Variants in CDC45 observed in about 807,000 individuals in gnomAD.
CDC45 encodes the protein cell division cycle 45.
In CDC45, 54 loss-of-function variants were observed where a neutral mutation model predicts 77.8. The ratio of observed to expected loss-of-function variants is 0.69; its 90% CI spans 0.56 to 0.87. The LOEUF (loss-of-function observed/expected upper bound fraction) is 0.87, where lower values mean the gene tolerates loss of function less well. Ranked by LOEUF, CDC45 falls within the 40% of genes least tolerant of loss-of-function variation. The pLI, the probability that CDC45 is intolerant of heterozygous loss-of-function variation, is 0.00. For missense variants in CDC45, 649 were observed against 721.6 expected (o/e 0.90, Z 1.15); for synonymous variants, 260 against 272.1 (o/e 0.96, Z 0.44).
chr22:19,495,638 T>A (rs539079360), intron 6 of CDC45, among the ~76,000 whole-genome samples: 75 of 152,328 alleles, frequency 4.9e-4, no homozygotes, highest in Middle Eastern at 3.4e-3. Flanking sequence ...GACAACATAG[T>A]GAGACTTTGT....
In CDC45 at chr22:19,505,349, CTTTT is replaced by C. The variant is rs775146397; in HGVS notation, c.705-8_705-5del. The C allele has an allele frequency of 6.2e-7, 1 of 1,613,680 alleles. No homozygotes were observed. The highest frequency in any genetic ancestry group is 8.5e-7 in the Non-Finnish European group (1 of 1,179,856). ...AGGGAACCAGCCGAGGCTTGTGCTACTTTTTTTTCCAGAATGAAATACGTGACTG... is the reference window on the plus strand; with the variant it reads ...AGGGAACCAGCCGAGGCTTGTGCTACTTTTCCAGAATGAAATACGTGACTG... On this transcript the variant is annotated splice_polypyrimidine_tract_variant and intron_variant, in intron 9 of 18. Transcript: ENST00000263201.
In CDC45 at chr22:19,508,657, G is replaced by A; in HGVS notation, c.1183G>A (p.Asp395Asn). Residue 395 changes from aspartate to asparagine, a missense_variant, in exon 13 of 19, where the codon GAT (aspartate) becomes AAT (asparagine). By Grantham distance (23) the Asp-to-Asn change is conservative. Transcript: ENST00000263201. The stretch of plus-strand genomic sequence containing the variant: ...CCCCGAGAAGGATGGCTCAGGGACA[G>A]ATCACTTCATCCAGGCTCTGGACAG... ...ESPEKDGSGTDHFIQALDSLS... is the reference protein window; with the variant it reads ...ESPEKDGSGTNHFIQALDSLS... 2 of 1,614,246 alleles carry A rather than the reference G, an allele frequency of 1.2e-6. No individual in the cohort carries two copies. The highest frequency in any genetic ancestry group is 1.7e-4 in the Middle Eastern group (1 of 6,060).
At position 19,497,391 on chromosome 22, in the gene CDC45, C is replaced by A; in HGVS notation, c.597C>A (p.Ala199=). The A allele has an allele frequency of 6.2e-7, 1 of 1,614,068 alleles. No individual in the cohort carries two copies. Among genetic ancestry groups the A allele is most frequent in the Non-Finnish European group, 8.5e-7 (1 of 1,179,950 alleles). ...ACTTCTCTGCTTCCTTACAGTCAGC[C>A]ATGGTGATGTTTGAGCTGGCTTGGA... The part of the protein sequence containing the change: ...EQYEYHGTSS[A]MVMFELAWML... The change falls in exon 8 of 19, where the codon GCC becomes GCA. Residue 199 remains alanine, a synonymous_variant. Coordinates refer to ENST00000263201, the MANE Select transcript of CDC45 (RefSeq NM_003504.5).
chr22:19,516,496 C>G (rs202174144), intron 15 of CDC45, 31 bp from the exon 16 acceptor site: 188 of 1,567,224 alleles, frequency 1.2e-4, no homozygotes, highest in Non-Finnish European at 1.6e-4. Context: ...GCCCACCATA[C>G]CCTGACGGAG....
chr22:19,495,868 C>G, intron 6 of CDC45, 113 bp from the exon 7 acceptor site: 2 of 780,468 alleles, frequency 2.6e-6, no homozygotes, highest in Non-Finnish European at 4.6e-6. Context: ...ACAAATAGTA[C>G]CATGATTTAA....
rs1448897236 is a variant in CDC45, at chr22:19,494,878, A to G, written c.542+496A>G. 2.0e-5 allele frequency among the ~76,000 whole-genome samples: 3 copies of G among 152,100 alleles called. No individual in the cohort carries two copies. The East Asian group carries it at 5.8e-4, about 29-fold the overall frequency. ...CATGCACTCCTGCCGCTGCCACAGG[A>G]GGAAGGCTGCCCCCTCGGATAAGGA... On this transcript the variant is annotated intron_variant, in intron 6 of 18. Transcript: ENST00000263201.
rs756987018 is a variant in CDC45, at chr22:19,505,389, C to T, written c.732C>T (p.Val244=). 6.2e-7 allele frequency: 1 copy of T among 1,614,052 alleles called. No homozygotes were observed. Among genetic ancestry groups the T allele is most frequent in the South Asian group, 1.1e-5 (1 of 91,078 alleles). The part of the protein sequence containing the change: ...TQMKYVTDVG[V]LQRHVSRHNH... Reference sequence around the variant, plus strand: ...TGAAATACGTGACTGATGTTGGTGTCCTGCAGCGCCACGTTTCCCGCCACA... The same window carrying T: ...TGAAATACGTGACTGATGTTGGTGTTCTGCAGCGCCACGTTTCCCGCCACA... Residue 244 remains valine (V), a synonymous_variant, in exon 10 of 19, where the codon GTC becomes GTT. Coordinates refer to ENST00000263201, the MANE Select transcript of CDC45 (RefSeq NM_003504.5).
intron 8 of CDC45, among the ~76,000 whole-genome samples, chr22:19,498,422 G>A (rs1488421257): frequency 2.0e-5 from 3 of 152,210 alleles, no homozygotes; most frequent in African/African-American, 4.8e-5. Flanking sequence ...CTCTGAGTCC[G>A]CTGTGCGGGC....
chr22:19,505,352 T>G lies in CDC45; in HGVS notation c.705-10T>G, dbSNP rs760899947. On this transcript the variant is annotated splice_polypyrimidine_tract_variant and intron_variant, in intron 9 of 18. Transcript: ENST00000263201. ...GAACCAGCCGAGGCTTGTGCTACTT[T>G]TTTTTCCAGAATGAAATACGTGACT... 1.7e-5 allele frequency: 27 copies of G among 1,614,004 alleles called. No homozygotes were observed. Among genetic ancestry groups the G allele is most frequent in the Non-Finnish European group, 2.2e-5 (26 of 1,180,026 alleles).
At chr22:19,482,858 T>A in intron 4 of CDC45, 31 bp downstream of exon 4, 1 of 1,609,234 alleles carries the variant, frequency 6.2e-7, no homozygotes, top group Non-Finnish European at 8.5e-7. Flanking sequence ...TCAAACTGTC[T>A]GTACTTTTTA....
intron 10 of CDC45, among the ~76,000 whole-genome samples, chr22:19,506,664 G>A (rs1295016761): frequency 1.3e-5 from 2 of 152,154 alleles, no homozygotes; most frequent in Admixed American, 6.5e-5. Flanking sequence ...GTCGGGCGCT[G>A]TGGCTCACGC....
intron 4 of CDC45, 111 bp downstream of exon 4, chr22:19,482,938 C>A: frequency 1.2e-5 from 10 of 848,228 alleles, no homozygotes; most frequent in Non-Finnish European, 1.7e-5. Context: ...GGACTGGGAA[C>A]AGCCTGAACA....
chr22:19,499,296 A>AT, intron 9 of CDC45, 145 bp downstream of exon 9: 1 of 784,384 alleles, frequency 1.3e-6, no homozygotes, highest in Non-Finnish European at 2.1e-6. Context: ...GGGCCCAAGC[A>AT]TTTGTCACTG....
chr22:19,494,251 T>C, intron 5 of CDC45, 76 bp from the exon 6 acceptor site: 3 of 1,376,372 alleles, frequency 2.2e-6, no homozygotes, highest in Admixed American at 1.9e-5. Context: ...TCTGCCAAAT[T>C]GGAACCTTCT....
In CDC45 at chr22:19,499,581, T is replaced by C. The variant is rs181037379; in HGVS notation, c.704+430T>C. Among the ~76,000 whole-genome samples, 11 of 151,956 alleles carry C rather than the reference T, an allele frequency of 7.2e-5. No homozygotes were observed. The East Asian group carries it at 2.1e-3, about 29-fold the overall frequency. On this transcript the variant is annotated intron_variant, in intron 9 of 18. Coordinates refer to ENST00000263201, the MANE Select transcript of CDC45 (RefSeq NM_003504.5). ...AGCAGTAGGGGTTTGACCCCAAAGG[T>C]AAGGGGAAGGCTCCAAAGGTAAGGG...
chr22:19,504,422 C>T (rs1445817480), intron 9 of CDC45, among the ~76,000 whole-genome samples: 1 of 152,234 alleles, frequency 6.6e-6, no homozygotes, highest in African/African-American at 2.4e-5. Context: ...GCCTCACCCT[C>T]CCAAGTAGCT....
At chr22:19,515,102 C>T (rs1386068349) in intron 15 of CDC45, 54 bp downstream of exon 15, 25 of 1,495,326 alleles carry the variant, frequency 1.7e-5, no homozygotes, top group Non-Finnish European at 2.2e-5. Flanking sequence ...TTGGAGAGCT[C>T]CCTGGATGGG....
rs575955765 is a variant in CDC45 at position 19,518,786 on chromosome 22, C to A, written c.1637-58C>A. On this transcript the variant is annotated intron_variant, in intron 17 of 18. Transcript: ENST00000263201. ...GCAGGCAGCGGAGGGGAGTTCTGTG[C>A]CCTGTCTTGTGTTCCCACTCCTCCC... is the stretch of plus-strand genomic sequence containing the variant. 67 of 1,405,266 alleles carry A rather than the reference C, an allele frequency of 4.8e-5. No homozygotes were observed. The South Asian group carries it at 6.9e-4, about 15-fold the overall frequency. 87.0% of individuals were successfully genotyped at this position (1,405,266 alleles called of 1,614,324 possible). A position where few individuals can be genotyped will look rare whatever the true frequency, so the allele number is the denominator to read the frequency against.
intron 6 of CDC45, among the ~76,000 whole-genome samples, chr22:19,495,228 T>C (rs2090221575): frequency 6.6e-6 from 1 of 152,258 alleles, no homozygotes; most frequent in Non-Finnish European, 1.5e-5. Context: ...TGCATCTTTC[T>C]ACTTAATATA....
Sources: gnomAD v4.1 joint callset for allele counts (sites outside exome capture counted in the v4.1 genomes callset) on GRCh38, gnomAD v4.1.1 for gene constraint, MANE v1.5 for transcripts, NCBI Gene and HGNC (gene_info 2026-07-23, HGNC 2026-07-21) for gene names.